The following DMKN variants were observed in gnomAD, a reference collection of about 807,000 sequenced individuals.
The protein encoded by DMKN is epidermis-specific secreted protein SK30/SK89.
A neutral mutation model predicts 67.6 loss-of-function variants in DMKN; 58 were observed. The ratio of observed to expected loss-of-function variants is 0.86; its 90% CI spans 0.69 to 1.07. The LOEUF (loss-of-function observed/expected upper bound fraction) is 1.07, where lower values mean the gene tolerates loss of function less well. Among genes scored for constraint, DMKN ranks in the 50% least tolerant of loss-of-function variants. DMKN has a pLI of 0.00. For synonymous variants in DMKN, 240 were observed against 232.3 expected, an observed-to-expected ratio of 1.03 and a Z score of -0.30; for missense variants, 596 against 601.5, an observed-to-expected ratio of 0.99 and a Z score of 0.10.
chr19:35,502,037 G>A, intron 11 of DMKN, 99 bp downstream of exon 11: 1 of 1,598,858 alleles, frequency 6.3e-7, no homozygotes, highest in East Asian at 2.2e-5. Flanking sequence ...TGGGAAAGTG[G>A]GAAGGGAGGG....
chr19:35,513,321 C>T lies in DMKN; in HGVS notation c.155G>A (p.Gly52Glu). Residue 52 changes from glycine (G) to glutamate (E), a missense_variant, in exon 1 of 16, where the codon GGA becomes GAA. Transcript: ENST00000339686. Reference sequence around the variant, plus strand: ...TCCGGCCTCTTTGCCAATGGCCTTTCCCACCCCTTCGCTCAGGGCGTCTCC... The same window carrying T: ...TCCGGCCTCTTTGCCAATGGCCTTTTCCACCCCTTCGCTCAGGGCGTCTCC... ...GLGDALSEGVGKAIGKEAGGA... is the reference protein window; with the variant it reads ...GLGDALSEGVEKAIGKEAGGA... 3 of 1,614,186 alleles carry T rather than the reference C, an allele frequency of 1.9e-6. No individual in the cohort carries two copies. In the South Asian group the frequency reaches 3.3e-5, roughly 18 times the overall value.
chr19:35,502,597 G>A (rs1179989605), intron 10 of DMKN, among the ~76,000 whole-genome samples: 15 of 152,056 alleles, frequency 9.9e-5, no homozygotes, highest in East Asian at 1.9e-4. Flanking sequence ...CCAGCTACTC[G>A]GGAGGCTGAG....
chr19:35,500,697 G>T, intron 11 of DMKN, 117 bp from the exon 12 acceptor site: 4 of 1,198,582 alleles, frequency 3.3e-6, no homozygotes, highest in Middle Eastern at 2.9e-4. Context: ...CTATAGAGAA[G>T]GCAGTGAGCC....
intron 7 of DMKN, 113 bp from the exon 8 acceptor site, chr19:35,506,099 C>G: frequency 1.3e-6 from 2 of 1,599,824 alleles, no homozygotes; most frequent in Non-Finnish European, 1.7e-6. Context: ...TGGTCCCAGC[C>G]CAAGGTGGAG....
intron 6 of DMKN, 48 bp downstream of exon 6, chr19:35,510,136 C>G (rs1042584732): frequency 1.9e-6 from 3 of 1,577,578 alleles, no homozygotes; most frequent in Non-Finnish European, 2.6e-6. Context: ...ACCAGCTGCT[C>G]TCCTTTTCCT....
chr19:35,510,811 C>T (rs374423205), intron 5 of DMKN, among the ~76,000 whole-genome samples: 57 of 152,282 alleles, frequency 3.7e-4, no homozygotes, highest in Non-Finnish European at 7.4e-4. Flanking sequence ...TGGGAGAGGC[C>T]GTCAGCCAAG....
intron 7 of DMKN, chr19:35,508,155 C>T (rs531234268): frequency 6.4e-7 from 1 of 1,550,736 alleles, no homozygotes; most frequent in Admixed American, 2.0e-5. Context: ...AGACCTCTAC[C>T]CCACTTACTA....
chr19:35,512,437 C>A lies in DMKN; in HGVS notation c.668G>T (p.Ser223Ile), dbSNP rs747194738. The A allele has an allele frequency of 1.9e-6, 3 of 1,614,174 alleles. No individual in the cohort carries two copies. The East Asian group carries it at 6.7e-5, about 36-fold the overall frequency. The change falls in exon 3 of 16, where the codon AGC (serine) becomes ATC (isoleucine). Residue 223 changes from serine (S) to isoleucine (I), a missense_variant. Coordinates refer to ENST00000339686, the MANE Select transcript of DMKN (RefSeq NM_033317.5). ...TCCTCTTACCCCTTCATTCTGGTTG[C>A]TGGCTCTCACTGAACCATAGCCAGG... ...AQPGYGSVRA[S>I]NQNEGCTNPP...
At chr19:35,508,011 G>T in intron 7 of DMKN, 2 of 639,922 alleles carry the variant, frequency 3.1e-6, no homozygotes, top group South Asian at 4.3e-5. Flanking sequence ...GGGAGAGGTG[G>T]GCTCCTCTGG....
At chr19:35,504,099 C>G (rs1295130912) in intron 9 of DMKN, among the ~76,000 whole-genome samples, 1 of 152,150 alleles carries the variant, frequency 6.6e-6, no homozygotes, top group Non-Finnish European at 1.5e-5. Flanking sequence ...CCTTGAGGAG[C>G]TGGCCCAGAT....
intron 11 of DMKN, among the ~76,000 whole-genome samples, chr19:35,501,153 C>G (rs79708754): frequency 2.0e-4 from 31 of 152,236 alleles, no homozygotes; most frequent in African/African-American, 7.5e-4. Context: ...AAACTCTAAG[C>G]GTTGAAAAGA....
chr19:35,511,841 G>A (rs1158064019), intron 3 of DMKN, 28 bp from the exon 4 acceptor site: 1 of 1,604,898 alleles, frequency 6.2e-7, no homozygotes, highest in South Asian at 1.1e-5. Flanking sequence ...TGGTGAGTTT[G>A]GGGACGGTGA....
At chr19:35,499,034 T>C in intron 13 of DMKN, 137 bp from the exon 14 acceptor site, 1 of 1,252,316 alleles carries the variant, frequency 8.0e-7, no homozygotes, top group Middle Eastern at 1.9e-4. Flanking sequence ...AGTCTGACTG[T>C]GGACATTCAG....
At chr19:35,501,272 A>G (rs956217032) in intron 11 of DMKN, among the ~76,000 whole-genome samples, 1 of 152,196 alleles carries the variant, frequency 6.6e-6, no homozygotes, top group South Asian at 2.1e-4. Flanking sequence ...TGCCTTATCC[A>G]TACCTGACCT....
intron 7 of DMKN, chr19:35,507,516 G>A: frequency 6.4e-7 from 1 of 1,551,500 alleles, no homozygotes. Context: ...TATTTCCTAG[G>A]GAGACAGAAA....
intron 15 of DMKN, 149 bp downstream of exon 15, chr19:35,498,567 A>T: frequency 1.8e-6 from 2 of 1,090,144 alleles, no homozygotes; most frequent in Non-Finnish European, 2.6e-6. Flanking sequence ...CCTCTTCCTT[A>T]TCACCTTTAG....
At chr19:35,507,329 G>A in intron 7 of DMKN, 2 of 860,736 alleles carry the variant, frequency 2.3e-6, no homozygotes, top group South Asian at 1.8e-5. Flanking sequence ...TTGGTCTCTT[G>A]ATGGTCACTG....
At chr19:35,499,558 C>G (rs1325660480) in intron 13 of DMKN, among the ~76,000 whole-genome samples, 1 of 152,204 alleles carries the variant, frequency 6.6e-6, no homozygotes, top group Non-Finnish European at 1.5e-5. Context: ...AGTCTGCTTT[C>G]CTCGCCCTCC....
At chr19:35,507,706 C>A in intron 7 of DMKN, 1 of 565,272 alleles carries the variant, frequency 1.8e-6, no homozygotes, top group Non-Finnish European at 3.2e-6. Context: ...GATCTCGTTT[C>A]AAGCTCCTGT....
Sources: gnomAD v4.1 joint callset for allele counts (sites outside exome capture counted in the v4.1 genomes callset) on GRCh38, gnomAD v4.1.1 for gene constraint, MANE v1.5 for transcripts, NCBI Gene and HGNC (gene_info 2026-07-23, HGNC 2026-07-21) for gene names.